Variants in PHF21B observed in about 807,000 individuals in gnomAD.
PHF21B encodes PHD finger protein 21B.
In PHF21B, 22 loss-of-function variants were observed where a neutral mutation model predicts 62.2. That is an observed-to-expected ratio of 0.35 (90% CI 0.25 to 0.51). PHF21B has a LOEUF of 0.51. PHF21B is among the 20% of genes least tolerant of loss of function. The pLI, the probability that PHF21B is intolerant of heterozygous loss-of-function variation, is 0.97. For synonymous variants in PHF21B, 341 were observed against 314.7 expected (o/e 1.08, Z -0.88); for missense variants, 701 against 707.9 (o/e 0.99, Z 0.11).
intron 2 of PHF21B, among the ~76,000 whole-genome samples, chr22:44,969,687 G>T (rs190446271): frequency 4.1e-4 from 62 of 152,010 alleles, no homozygotes; most frequent in Admixed American, 1.6e-3. Flanking sequence ...AAAAGAAAAA[G>T]AAAAATGGAG....
chr22:44,936,870 C>CTTTTTTTTTTTTTTT (rs370585353), intron 2 of PHF21B, among the ~76,000 whole-genome samples: 1 of 128,654 alleles, frequency 7.8e-6, no homozygotes, highest in Non-Finnish European at 1.6e-5. Context: ...CACTTTCTTT[C>CTTTTTTTTTTTTTTT]TTTTTTTTTT....
intron 2 of PHF21B, among the ~76,000 whole-genome samples, chr22:44,980,068 C>CAA (rs71190605): frequency 5.2e-5 from 3 of 57,198 alleles, no homozygotes; most frequent in African/African-American, 7.3e-5. Context: ...GACTTCGTCT[C>CAA]AAAAAAAAAA....
Position 44,999,891 on chromosome 22 carries a change from T to C in PHF21B, c.120+8654A>G, listed in dbSNP as rs80197352. ...GAACACCAGGACGCGTCAGGACACG[T>C]CATCAGTCCCACTGGGTGAGAACTT... On this transcript the variant is annotated intron_variant, in intron 2 of 12. Transcript: ENST00000313237. Among the ~76,000 whole-genome samples, 615 of 152,132 alleles carry C rather than the reference T, an allele frequency of 4.0e-3. 5 individuals are homozygous for C. Among genetic ancestry groups the C allele is most frequent in the African/African-American group, 0.014 (574 of 41,508 alleles).
rs59049105 is a variant in PHF21B at position 44,887,754 on chromosome 22, CAAA to C, written c.1197+206_1197+208del. On this transcript the variant is annotated intron_variant, in intron 10 of 12. Coordinates refer to ENST00000313237, the MANE Select transcript of PHF21B (RefSeq NM_138415.5). ...TGGGCAACAGAACGAGACTCTGTCT[CAAA>C]AAAAAAAAAAAAAAAAAAATCCCAT... is the stretch of plus-strand genomic sequence containing the variant. Among the ~76,000 whole-genome samples, 59 of 72,266 alleles carry C rather than the reference CAAA, an allele frequency of 8.2e-4. 1 individual carries two copies. Among genetic ancestry groups the C allele is most frequent in the East Asian group, 5.8e-3 (18 of 3,078 alleles). 47.4% of individuals were successfully genotyped at this position (72,266 alleles called of 152,430 possible). A position where few individuals can be genotyped will look rare whatever the true frequency, so the allele number is the denominator to read the frequency against.
chr22:44,967,315 G>A (rs1272868124), intron 2 of PHF21B, among the ~76,000 whole-genome samples: 1 of 151,620 alleles, frequency 6.6e-6, no homozygotes, highest in East Asian at 1.9e-4. Flanking sequence ...CCACCTCCCG[G>A]GTTCATGCCA....
chr22:44,930,640 G>A (rs573323737), intron 2 of PHF21B, among the ~76,000 whole-genome samples: 199 of 152,320 alleles, frequency 1.3e-3, no homozygotes, highest in Non-Finnish European at 2.1e-3. Context: ...TCCCAAAGGT[G>A]GACAGTGAAG....
At chr22:44,951,211 T>C (rs906783992) in intron 2 of PHF21B, among the ~76,000 whole-genome samples, 1 of 152,230 alleles carries the variant, frequency 6.6e-6, no homozygotes, top group Non-Finnish European at 1.5e-5. Flanking sequence ...TTTGCAGCCG[T>C]GCTCCAGTGC....
chr22:45,004,416 C>A (rs1477421157), intron 2 of PHF21B, among the ~76,000 whole-genome samples: 3 of 152,174 alleles, frequency 2.0e-5, no homozygotes, highest in Non-Finnish European at 2.9e-5. Flanking sequence ...GAAGGCCACA[C>A]AGGTGGTAGC....
Position 45,009,533 on chromosome 22 carries a change from C to T in PHF21B, c.17G>A (p.Arg6Gln), listed in dbSNP as rs1307489644. 2 of 1,572,998 alleles carry T rather than the reference C, an allele frequency of 1.3e-6. No homozygotes were observed. Among genetic ancestry groups the T allele is most frequent in the African/African-American group, 1.4e-5 (1 of 73,794 alleles). ...GAGTTCCACGGCGAGCGCCTCGGGC[C>T]GGCTCTGCAGCTCCATCCCGGCAAC... Reference protein sequence around the residue: MELQSRPEALAVELAR... With the variant: MELQSQPEALAVELAR... The change falls in exon 1 of 13, where the codon CGG becomes CAG. Residue 6 changes from arginine to glutamine, a missense_variant. Physicochemically the swap from Arg to Gln is conservative, Grantham distance 43 (BLOSUM62 1). Transcript: ENST00000313237. The surrounding 1 kb of genome is among the most constrained non-coding windows in gnomAD (Gnocchi z 5.9).
chr22:44,882,579 G>A lies in PHF21B; in HGVS notation c.*507C>T, dbSNP rs1032952787. Reference sequence around the variant, plus strand: ...CAGGGGGACCTCCTAGGAGCGTGGGGCATTGAGGAACTACCTAGATCCACT... The same window carrying A: ...CAGGGGGACCTCCTAGGAGCGTGGGACATTGAGGAACTACCTAGATCCACT... On this transcript the variant is annotated 3_prime_UTR_variant, in exon 13 of 13. Transcript: ENST00000313237. 1 of 151,154 alleles carries A rather than the reference G, an allele frequency of 6.6e-6. No homozygotes were observed. Among genetic ancestry groups the A allele is most frequent in the Non-Finnish European group, 1.5e-5 (1 of 67,810 alleles). 9.4% of individuals were successfully genotyped at this position (151,154 alleles called of 1,614,324 possible).
At chr22:44,960,283 AC>A (rs1394063132) in intron 2 of PHF21B, among the ~76,000 whole-genome samples, 2 of 152,080 alleles carry the variant, frequency 1.3e-5, no homozygotes, top group Non-Finnish European at 2.9e-5. Context: ...CTCCACAGCT[AC>A]CTGAGTTCGG....
intron 2 of PHF21B, among the ~76,000 whole-genome samples, chr22:44,948,205 G>A (rs565513541): frequency 6.6e-6 from 1 of 152,250 alleles, no homozygotes; most frequent in East Asian, 1.9e-4. Context: ...TTATTACATT[G>A]TAATAGATAA....
At chr22:44,935,978 TTC>T (rs2071838611) in intron 2 of PHF21B, among the ~76,000 whole-genome samples, 1 of 152,188 alleles carries the variant, frequency 6.6e-6, no homozygotes, top group Non-Finnish European at 1.5e-5. Flanking sequence ...CCACATTCTG[TTC>T]TCTCTGCTGG....
At chr22:44,960,652 C>G (rs2072400349) in intron 2 of PHF21B, among the ~76,000 whole-genome samples, 2 of 152,238 alleles carry the variant, frequency 1.3e-5, no homozygotes, top group Non-Finnish European at 2.9e-5. Flanking sequence ...GGATGAGACT[C>G]ACATCTGAAT....
Position 44,986,056 on chromosome 22 carries a change from T to C in PHF21B, c.120+22489A>G, listed in dbSNP as rs567025045. 6.3e-3 allele frequency among the ~76,000 whole-genome samples: 907 copies of C among 144,150 alleles called. 10 individuals are homozygous for C. Among genetic ancestry groups the C allele is most frequent in the African/African-American group, 0.021 (810 of 38,308 alleles). 94.6% of individuals were successfully genotyped at this position (144,150 alleles called of 152,430 possible). ...ACCATCAGCACCACCACCACTACCATCACAATGATCACCATTATCACCATC... is the reference window on the plus strand; with the variant it reads ...ACCATCAGCACCACCACCACTACCACCACAATGATCACCATTATCACCATC... On this transcript the variant is annotated intron_variant, in intron 2 of 12. Coordinates refer to ENST00000313237, the MANE Select transcript of PHF21B (RefSeq NM_138415.5).
chr22:44,893,575 C>T, intron 6 of PHF21B, 42 bp from the exon 7 acceptor site: 1 of 1,551,478 alleles, frequency 6.4e-7, no homozygotes. Flanking sequence ...TCCTGCCTGC[C>T]CTGGGAACCC....
chr22:44,973,998 C>T (rs1295090856), intron 2 of PHF21B, among the ~76,000 whole-genome samples: 1 of 152,134 alleles, frequency 6.6e-6, no homozygotes, highest in Non-Finnish European at 1.5e-5. Context: ...AGTGAGACAC[C>T]CTGGCCAGGC....
At chr22:44,966,598 C>A (rs969995954) in intron 2 of PHF21B, among the ~76,000 whole-genome samples, 2 of 152,078 alleles carry the variant, frequency 1.3e-5, no homozygotes, top group Admixed American at 6.5e-5. Context: ...AGCCAGAAGT[C>A]CCCCCTTCAG....
intron 10 of PHF21B, among the ~76,000 whole-genome samples, chr22:44,886,199 A>G (rs1426680459): frequency 6.6e-6 from 1 of 152,018 alleles, no homozygotes; most frequent in Non-Finnish European, 1.5e-5. Context: ...TACTTCTCGA[A>G]CGAACGAATG....
Sources: allele counts gnomAD v4.1 joint callset (sites outside exome capture counted in the v4.1 genomes callset), GRCh38; gene constraint gnomAD v4.1.1; non-coding constraint Gnocchi (gnomAD v3.1); transcripts MANE v1.5; gene names NCBI Gene and HGNC (gene_info 2026-07-23, HGNC 2026-07-21).